Variants in ZNF804B observed in about 807,000 individuals in gnomAD.
ZNF804B encodes zinc finger protein 804B, also known as zinc finger 804B.
Under a neutral mutation model 101.4 loss-of-function variants are expected in ZNF804B, and 80 were observed. That is an observed-to-expected ratio of 0.79 (90% CI 0.66 to 0.95). The LOEUF is 0.95. Among genes scored for constraint, ZNF804B ranks in the 40% least tolerant of loss-of-function variants. The pLI is 0.00. For synonymous variants in ZNF804B, 622 were observed against 558.8 expected, an observed-to-expected ratio of 1.11 and a Z score of -1.59; for missense variants, 1,673 against 1,561.9, an observed-to-expected ratio of 1.07 and a Z score of -1.20.
intron 1 of ZNF804B, among the ~76,000 whole-genome samples, chr7:89,119,106 CTTA>C (rs1031579574): frequency 5.3e-5 from 8 of 152,164 alleles, no homozygotes; most frequent in African/African-American, 1.9e-4. Context: ...ATTTTGAGTG[CTTA>C]TTATGTTTTA....
intron 1 of ZNF804B, among the ~76,000 whole-genome samples, chr7:88,943,782 T>C (rs1793089279): frequency 6.6e-6 from 1 of 151,870 alleles, no homozygotes; most frequent in Non-Finnish European, 1.5e-5. Flanking sequence ...CAGATCTGAT[T>C]TCTGCACCTA....
chr7:89,080,781 T>C (rs1450160320), intron 1 of ZNF804B, among the ~76,000 whole-genome samples: 1 of 151,906 alleles, frequency 6.6e-6, no homozygotes, highest in Non-Finnish European at 1.5e-5. Flanking sequence ...CTTATAAATT[T>C]TAAGTGCATT....
intron 1 of ZNF804B, among the ~76,000 whole-genome samples, chr7:89,136,960 T>C (rs1030023974): frequency 1.1e-4 from 16 of 151,754 alleles, no homozygotes; most frequent in Non-Finnish European, 1.5e-4. Flanking sequence ...AAAGCTCTCT[T>C]TTTTTTTGCC....
chr7:89,307,009 A>T (rs1790574105), intron 2 of ZNF804B, among the ~76,000 whole-genome samples: 1 of 152,010 alleles, frequency 6.6e-6, no homozygotes, highest in South Asian at 2.1e-4. Flanking sequence ...GACTGCATGC[A>T]TCTGTTTACA....
chr7:88,824,470 A>G (rs567154932), intron 1 of ZNF804B, among the ~76,000 whole-genome samples: 49 of 152,288 alleles, frequency 3.2e-4, no homozygotes, highest in African/African-American at 1.1e-3. Context: ...CTTTAAGTCA[A>G]TTAAACCTCT....
chr7:89,008,516 A>T (rs530080449), intron 1 of ZNF804B, among the ~76,000 whole-genome samples: 9 of 152,260 alleles, frequency 5.9e-5, no homozygotes, highest in African/African-American at 2.2e-4. Context: ...CACATTTCTT[A>T]CCAGGTCTTT....
chr7:88,794,642 C>G, intron 1 of ZNF804B: 1 of 1,613,662 alleles, frequency 6.2e-7, no homozygotes, highest in Non-Finnish European at 8.5e-7. Context: ...CTGGAGGACT[C>G]GAGGATATGC....
At chr7:88,956,545 A>G (rs1793312324) in intron 1 of ZNF804B, among the ~76,000 whole-genome samples, 2 of 151,510 alleles carry the variant, frequency 1.3e-5, no homozygotes, top group South Asian at 4.1e-4. Flanking sequence ...TTAAAAATAA[A>G]TAAAATTATA....
chr7:89,201,016 T>C (rs1488727713), intron 1 of ZNF804B, among the ~76,000 whole-genome samples: 1 of 152,064 alleles, frequency 6.6e-6, no homozygotes, highest in African/African-American at 2.4e-5. Flanking sequence ...AGGCAGATTC[T>C]TATCTGAGCT....
At chr7:89,086,930 A>G (rs974239839) in intron 1 of ZNF804B, among the ~76,000 whole-genome samples, 1 of 152,012 alleles carries the variant, frequency 6.6e-6, no homozygotes, top group Non-Finnish European at 1.5e-5. Flanking sequence ...ATGTATACAT[A>G]TGTAACAAAC....
intron 1 of ZNF804B, among the ~76,000 whole-genome samples, chr7:88,923,507 A>G (rs1475141900): frequency 6.6e-6 from 1 of 152,138 alleles, no homozygotes; most frequent in Non-Finnish European, 1.5e-5. Context: ...AACTGATTCA[A>G]CTTGTTCAAA....
rs377465177 is a variant in ZNF804B, at chr7:89,046,036, T to C, written c.109-172119T>C. ...ATGGGATGGACCCCATGGGAGGTAATTGAATCATGGAGACGTTACCCCCAT... is the reference window on the plus strand; with the variant it reads ...ATGGGATGGACCCCATGGGAGGTAACTGAATCATGGAGACGTTACCCCCAT... On this transcript the variant is annotated intron_variant, in intron 1 of 3. Transcript: ENST00000333190. Among the ~76,000 whole-genome samples the C allele has an allele frequency of 4.6e-5, 7 of 152,230 alleles. No homozygotes were observed. The East Asian group carries it at 1.2e-3, about 25-fold the overall frequency.
chr7:88,940,768 A>AAATAATAATAAT (rs71120045), intron 1 of ZNF804B, among the ~76,000 whole-genome samples: 12,053 of 139,308 alleles, frequency 0.087, 593 homozygotes, highest in East Asian at 0.13. Flanking sequence ...ACCCTATTTA[A>AAATAATAATAAT]AATAATAATA....
At chr7:88,800,686 T>G (rs1790563982) in intron 1 of ZNF804B, among the ~76,000 whole-genome samples, 2 of 132,258 alleles carry the variant, frequency 1.5e-5, no homozygotes, top group Admixed American at 8.0e-5. Context: ...AAAAAATAGA[T>G]ATGATTTGTG....
intron 1 of ZNF804B, among the ~76,000 whole-genome samples, chr7:89,186,444 G>T (rs1451400044): frequency 6.6e-6 from 1 of 152,002 alleles, no homozygotes; most frequent in Non-Finnish European, 1.5e-5. Context: ...TTATATGATA[G>T]TATTTTATAA....
chr7:88,814,955 G>A (rs1023172931), intron 1 of ZNF804B, among the ~76,000 whole-genome samples: 3 of 150,822 alleles, frequency 2.0e-5, no homozygotes, highest in African/African-American at 4.9e-5. Flanking sequence ...TGAGCTTTTA[G>A]TGGAATTATT....
At chr7:89,071,749 T>C (rs1789544281) in intron 1 of ZNF804B, among the ~76,000 whole-genome samples, 1 of 150,978 alleles carries the variant, frequency 6.6e-6, no homozygotes, top group Admixed American at 6.6e-5. Context: ...TAGAGATTTT[T>C]CAAGTAGTAG....
chr7:88,976,078 G>A (rs1161625880), intron 1 of ZNF804B, among the ~76,000 whole-genome samples: 1 of 151,592 alleles, frequency 6.6e-6, no homozygotes, highest in Non-Finnish European at 1.5e-5. Flanking sequence ...TGAGTTCACT[G>A]TGGATGTATA....
intron 2 of ZNF804B, among the ~76,000 whole-genome samples, chr7:89,293,966 C>G (rs1790340584): frequency 6.6e-6 from 1 of 151,710 alleles, no homozygotes; most frequent in Non-Finnish European, 1.5e-5. Context: ...AAGTTTGTAC[C>G]AACATTCTTT....
Sources: allele counts gnomAD v4.1 joint callset (sites outside exome capture counted in the v4.1 genomes callset), GRCh38; gene constraint gnomAD v4.1.1; transcripts MANE v1.5; gene names NCBI Gene and HGNC (gene_info 2026-07-23, HGNC 2026-07-21).